CNGA1: variants seen among roughly 807,000 people sequenced by gnomAD.
The protein encoded by CNGA1 is cyclic nucleotide gated channel subunit alpha 1, also known as cyclic nucleotide-gated channel alpha-1.
Under a neutral mutation model 69.7 loss-of-function variants are expected in CNGA1, and 53 were observed. That is an observed-to-expected ratio of 0.76 (90% CI 0.61 to 0.96). The LOEUF (loss-of-function observed/expected upper bound fraction) is 0.96. Among genes scored for constraint, CNGA1 ranks in the 40% least tolerant of loss-of-function variants. The pLI is 0.00. For synonymous variants in CNGA1, 249 were observed against 283.5 expected (o/e 0.88, Z 1.22); for missense variants, 739 against 811.2 (o/e 0.91, Z 1.08).
intron 1 of CNGA1, among the ~76,000 whole-genome samples, chr4:48,014,421 GA>G (rs5858099): frequency 0.34 from 52,038 of 151,994 alleles, 9,198 homozygotes; most frequent in South Asian, 0.48. Flanking sequence ...TTTCAGAATT[GA>G]AAAGCAAGAA....
intron 2 of CNGA1, among the ~76,000 whole-genome samples, chr4:47,999,015 T>C (rs1336039672): frequency 6.6e-6 from 1 of 152,218 alleles, no homozygotes; most frequent in Non-Finnish European, 1.5e-5. Context: ...CTGATGCTAT[T>C]TCACAATGCC....
At chr4:47,987,164 C>T (rs1298708453) in intron 2 of CNGA1, among the ~76,000 whole-genome samples, 1 of 152,190 alleles carries the variant, frequency 6.6e-6, no homozygotes, top group African/African-American at 2.4e-5. Context: ...TGTTCCCTGT[C>T]TTGCTTTGTC....
intron 1 of CNGA1, among the ~76,000 whole-genome samples, chr4:48,016,219 A>C (rs566646052): frequency 6.6e-6 from 1 of 152,208 alleles, no homozygotes; most frequent in East Asian, 1.9e-4. Flanking sequence ...CGGAGAGTGG[A>C]TGGATATAGC....
intron 3 of CNGA1, among the ~76,000 whole-genome samples, chr4:47,959,352 T>C (rs1253797384): frequency 1.3e-5 from 2 of 152,212 alleles, no homozygotes; most frequent in Non-Finnish European, 2.9e-5. Context: ...ACTAATTCCA[T>C]GTTCACTTTG....
At chr4:47,960,606 A>G (rs891242485) in intron 3 of CNGA1, among the ~76,000 whole-genome samples, 1 of 152,244 alleles carries the variant, frequency 6.6e-6, no homozygotes, top group Non-Finnish European at 1.5e-5. Context: ...AATAATATGT[A>G]TATAAAAACA....
chr4:47,946,469 A>T (rs917950638), intron 6 of CNGA1, among the ~76,000 whole-genome samples: 2 of 152,210 alleles, frequency 1.3e-5, no homozygotes, highest in Non-Finnish European at 2.9e-5. Context: ...TTCCAAGGCT[A>T]TATTAACTTT....
Position 47,936,145 on chromosome 4 carries a change from G to A in CNGA1, c.*276C>T, listed in dbSNP as rs1738623948. The A allele has an allele frequency of 2.0e-6, 1 of 494,532 alleles. No homozygotes were observed. Among genetic ancestry groups the A allele is most frequent in the South Asian group, 2.5e-5 (1 of 39,714 alleles). The allele number at this position is 494,532 out of a possible 1,614,324, so 30.6% of individuals were successfully genotyped here. ...TTATGAAGAATATTACATAAAATGA[G>A]CGTATGTGAAAAAATCAGAAAATAC... On this transcript the variant is annotated 3_prime_UTR_variant, in exon 11 of 11. Coordinates refer to ENST00000514170, the MANE Select transcript of CNGA1 (RefSeq NM_001379270.1).
intron 3 of CNGA1, among the ~76,000 whole-genome samples, chr4:47,957,535 A>T (rs1578084286): frequency 6.6e-6 from 1 of 152,106 alleles, no homozygotes; most frequent in Non-Finnish European, 1.5e-5. Context: ...CAGGTGGATC[A>T]CTTGAGCTTT....
At chr4:47,946,263 C>T (rs1031488417) in intron 6 of CNGA1, among the ~76,000 whole-genome samples, 1 of 152,132 alleles carries the variant, frequency 6.6e-6, no homozygotes, top group Admixed American at 6.5e-5. Flanking sequence ...TAGACAATTG[C>T]AAAATCAACC....
chr4:47,951,313 G>A (rs1395879654), intron 5 of CNGA1, 40 bp downstream of exon 5: 6 of 1,304,410 alleles, frequency 4.6e-6, no homozygotes, highest in African/African-American at 1.5e-5. Flanking sequence ...AAGCATAAAT[G>A]GTTAAAAACA....
intron 3 of CNGA1, among the ~76,000 whole-genome samples, chr4:47,968,489 G>A (rs1204637055): frequency 6.7e-6 from 1 of 149,316 alleles, no homozygotes; most frequent in African/African-American, 2.6e-5. Flanking sequence ...AACATCAGGT[G>A]GTTCAATAGA....
intron 1 of CNGA1, chr4:48,012,780 A>G (rs1469897299): frequency 6.6e-6 from 1 of 152,052 alleles, no homozygotes; most frequent in Non-Finnish European, 1.5e-5. Context: ...AAAACAAACA[A>G]TGGCACAATT....
chr4:47,967,291 A>G (rs1462883271), intron 3 of CNGA1, among the ~76,000 whole-genome samples: 1 of 152,196 alleles, frequency 6.6e-6, no homozygotes, highest in Non-Finnish European at 1.5e-5. Context: ...CGACAGAACC[A>G]GATTCTGTCT....
rs1738715834 is a variant in CNGA1 at position 47,937,215 on chromosome 4, T to G, written c.1267A>C (p.Ser423Arg). 1 of 1,614,044 alleles carries G rather than the reference T, an allele frequency of 6.2e-7. No homozygotes were observed. Among genetic ancestry groups the G allele is most frequent in the African/African-American group, 1.3e-5 (1 of 74,928 alleles). The part of the protein sequence containing the change: ...IKQYMHFRNV[S>R]KDMEKRVIKW... ...ATAACCCTCTTTTCCATATCTTTGC[T>G]TACATTTCGAAAATGCATATATTGC... is the stretch of plus-strand genomic sequence containing the variant. Residue 423 changes from serine (S) to arginine (R), a missense_variant, in exon 11 of 11, where the codon AGC becomes CGC. Physicochemically the swap from Ser to Arg is moderately radical, Grantham distance 110. Coordinates refer to ENST00000514170, the MANE Select transcript of CNGA1 (RefSeq NM_001379270.1).
At chr4:48,010,605 G>A (rs576339478) in intron 2 of CNGA1, among the ~76,000 whole-genome samples, 189 bp downstream of exon 2, 1 of 152,282 alleles carries the variant, frequency 6.6e-6, no homozygotes, top group South Asian at 2.1e-4. Flanking sequence ...GGAATCTTAG[G>A]CCATGTGGTG....
chr4:47,955,022 C>A, intron 3 of CNGA1, among the ~76,000 whole-genome samples: 1 of 143,068 alleles, frequency 7.0e-6, no homozygotes, highest in Non-Finnish European at 1.5e-5. Flanking sequence ...TAGTTAAGTG[C>A]TCACGACTGT....
chr4:47,990,420 T>C (rs1212230211), intron 2 of CNGA1, among the ~76,000 whole-genome samples: 1 of 152,124 alleles, frequency 6.6e-6, no homozygotes, highest in South Asian at 2.1e-4. Flanking sequence ...TCAGGCTTAC[T>C]GGGATTGGAA....
chr4:47,942,730 A>G (rs1374675080), intron 8 of CNGA1, among the ~76,000 whole-genome samples: 2 of 152,196 alleles, frequency 1.3e-5, no homozygotes, highest in Non-Finnish European at 2.9e-5. Context: ...TTCTCATAGG[A>G]GCACAAACCT....
At chr4:47,975,594 T>G (rs899085781) in intron 3 of CNGA1, among the ~76,000 whole-genome samples, 1 of 152,198 alleles carries the variant, frequency 6.6e-6, no homozygotes, top group Admixed American at 6.5e-5. Flanking sequence ...CACCAGAGCA[T>G]GTAAGCATAA....
Sources: gnomAD v4.1 joint callset for allele counts (sites outside exome capture counted in the v4.1 genomes callset) on GRCh38, gnomAD v4.1.1 for gene constraint, MANE v1.5 for transcripts, NCBI Gene and HGNC (gene_info 2026-07-23, HGNC 2026-07-21) for gene names.